The following ANKFN1 variants were observed in gnomAD, a reference collection of about 807,000 sequenced individuals.
ANKFN1 encodes the protein ankyrin repeat and fibronectin type-III domain-containing protein 1.
ANKFN1 carries 74 observed loss-of-function variants against 108.7 expected under a neutral mutation model. The observed-to-expected ratio is 0.68, with a 90% CI of 0.56 to 0.83. The LOEUF (loss-of-function observed/expected upper bound fraction) is 0.83, where lower values mean the gene tolerates loss of function less well. ANKFN1 is among the 40% of genes least tolerant of loss of function. The pLI is 0.00. For synonymous variants in ANKFN1, 547 were observed against 516.2 expected (o/e 1.06, Z -0.81); for missense variants, 1,505 against 1,382.3 (o/e 1.09, Z -1.41).
At chr17:56,320,502 T>C (rs1291634761) in intron 3 of ANKFN1, among the ~76,000 whole-genome samples, 2 of 152,200 alleles carry the variant, frequency 1.3e-5, no homozygotes, top group East Asian at 3.9e-4. Flanking sequence ...CTTTGTGACC[T>C]GCTGGATAAG....
chr17:56,150,407 G>A (rs1189415767), upstream of ANKFN1, among the ~76,000 whole-genome samples: 3 of 152,086 alleles, frequency 2.0e-5, no homozygotes, highest in African/African-American at 7.2e-5. Flanking sequence ...CGTAGCATTC[G>A]GTCCCTATTT....
At chr17:56,154,886 C>T (rs1204504038) in intron 1 of ANKFN1, among the ~76,000 whole-genome samples, 1 of 152,120 alleles carries the variant, frequency 6.6e-6, no homozygotes. Context: ...AAGACTTAGG[C>T]TCTAGGCTCA....
Position 56,220,115 on chromosome 17 carries a change from G to A in ANKFN1, c.12+7436G>A, listed in dbSNP as rs1915730287. Among the ~76,000 whole-genome samples, 3 of 152,188 alleles carry A rather than the reference G, an allele frequency of 2.0e-5. No individual in the cohort carries two copies. In the South Asian group the frequency reaches 6.2e-4, roughly 31 times the overall value. ...ATGAGATGATCTATGGAAAAACTGT[G>A]TAAGCTTGAAAGCATTCAACAAGGC... On this transcript the variant is annotated intron_variant, in intron 2 of 20. Transcript: ENST00000682825.
intron 1 of ANKFN1, among the ~76,000 whole-genome samples, chr17:56,164,901 T>C (rs1238590122): frequency 1.3e-5 from 2 of 152,240 alleles, no homozygotes; most frequent in African/African-American, 4.8e-5. Context: ...AATGGTAGTA[T>C]ACACAAAATG....
At chr17:56,155,212 G>A (rs1315988654) in intron 1 of ANKFN1, among the ~76,000 whole-genome samples, 1 of 152,172 alleles carries the variant, frequency 6.6e-6, no homozygotes, top group East Asian at 1.9e-4. Context: ...TTGTAACTCT[G>A]ACATTTATTC....
chr17:56,480,210 A>G (rs1372612324), intron 16 of ANKFN1, among the ~76,000 whole-genome samples: 1 of 152,204 alleles, frequency 6.6e-6, no homozygotes. Context: ...AATATCCCCC[A>G]TGATTACAAC....
intron 6 of ANKFN1, among the ~76,000 whole-genome samples, chr17:56,357,170 C>T (rs972318320): frequency 1.3e-5 from 2 of 152,254 alleles, no homozygotes; most frequent in South Asian, 4.1e-4. Flanking sequence ...CCTAAGTCAC[C>T]TTGGCTACCT....
At chr17:56,104,526 C>T (rs1905705748) in intron 4 of ANKFN1, among the ~76,000 whole-genome samples, 1 of 152,148 alleles carries the variant, frequency 6.6e-6, no homozygotes, top group Non-Finnish European at 1.5e-5. Flanking sequence ...TTTTTTCAAC[C>T]TTCAGAATAG....
At chr17:56,120,825 G>A (rs569255093) in intron 4 of ANKFN1, among the ~76,000 whole-genome samples, 1 of 152,170 alleles carries the variant, frequency 6.6e-6, no homozygotes, top group South Asian at 2.1e-4. Context: ...TATGCTATTT[G>A]TTCTTCCAGT....
intron 20 of ANKFN1, among the ~76,000 whole-genome samples, chr17:56,504,682 G>T (rs1028091299): frequency 6.6e-6 from 1 of 151,874 alleles, no homozygotes; most frequent in Non-Finnish European, 1.5e-5. Flanking sequence ...ATGAGGCAGA[G>T]ATTTACTCTG....
chr17:56,485,940 T>C (rs1390016045), intron 18 of ANKFN1, among the ~76,000 whole-genome samples: 1 of 152,216 alleles, frequency 6.6e-6, no homozygotes, highest in Non-Finnish European at 1.5e-5. Flanking sequence ...GTAATACTAA[T>C]GCTGCTAATC....
intron 3 of ANKFN1, among the ~76,000 whole-genome samples, chr17:56,284,499 T>C (rs114569068): frequency 0.014 from 2,172 of 152,314 alleles, 63 homozygotes; most frequent in African/African-American, 0.05. Context: ...TTTATAGTGA[T>C]TGAATTTCAC....
chr17:56,268,723 G>T (rs185433676), intron 3 of ANKFN1, among the ~76,000 whole-genome samples: 1 of 151,634 alleles, frequency 6.6e-6, no homozygotes. Flanking sequence ...AATACATCTT[G>T]TTTCCACAGA....
At position 56,350,882 on chromosome 17, in the gene ANKFN1, A is replaced by C. The variant is rs763556266; in HGVS notation, c.305A>C (p.Glu102Ala). 6.2e-7 allele frequency: 1 copy of C among 1,613,856 alleles called. No homozygotes were observed. Among genetic ancestry groups the C allele is most frequent in the Admixed American group, 1.7e-5 (1 of 59,940 alleles). ...AAACGCCTGTACAGGAACCTCTCTGAGAAACTGAAAGGGAGCCACTCTTCC... is the reference window on the plus strand; with the variant it reads ...AAACGCCTGTACAGGAACCTCTCTGCGAAACTGAAAGGGAGCCACTCTTCC... The part of the protein sequence containing the change: ...AAKRLYRNLS[E>A]KLKGSHSSFD... Residue 102 changes from glutamate (E) to alanine (A), a missense_variant, in exon 5 of 21, where the codon GAG becomes GCG. By Grantham distance (107) the Glu-to-Ala change is moderately radical. Coordinates refer to ENST00000682825, the MANE Select transcript of ANKFN1 (RefSeq NM_001370326.1).
chr17:56,369,106 C>G (rs1162483333), intron 6 of ANKFN1, among the ~76,000 whole-genome samples: 1 of 152,216 alleles, frequency 6.6e-6, no homozygotes, highest in East Asian at 1.9e-4. Flanking sequence ...TTTACGCACA[C>G]CTTTCTTTAG....
intron 4 of ANKFN1, among the ~76,000 whole-genome samples, chr17:56,339,627 G>T (rs2045909997): frequency 1.3e-5 from 2 of 152,084 alleles, no homozygotes; most frequent in Non-Finnish European, 2.9e-5. Context: ...TCCCTGCAAA[G>T]GTCATAATCT....
intron 9 of ANKFN1, among the ~76,000 whole-genome samples, chr17:56,441,353 A>C (rs1197457050): frequency 6.7e-6 from 1 of 150,184 alleles, no homozygotes; most frequent in East Asian, 2.0e-4. Context: ...CCCACCCTTA[A>C]AAAAAAAATG....
intron 1 of ANKFN1, among the ~76,000 whole-genome samples, chr17:56,194,539 A>G (rs1470510579): frequency 6.6e-6 from 1 of 152,228 alleles, no homozygotes; most frequent in African/African-American, 2.4e-5. Context: ...ACTTTCTGGA[A>G]AAGGCCGAAC....
intron 2 of ANKFN1, among the ~76,000 whole-genome samples, chr17:56,219,742 G>T (rs1486299951): frequency 6.6e-6 from 1 of 152,084 alleles, no homozygotes; most frequent in Non-Finnish European, 1.5e-5. Flanking sequence ...AGTCAGTTTT[G>T]AATTTGTTGC....
Sources: allele counts gnomAD v4.1 joint callset (sites outside exome capture counted in the v4.1 genomes callset), GRCh38; gene constraint gnomAD v4.1.1; transcripts MANE v1.5; gene names NCBI Gene and HGNC (gene_info 2026-07-23, HGNC 2026-07-21).